RIMKLA: variants seen among roughly 807,000 people sequenced by gnomAD.
RIMKLA encodes ribosomal modification protein rimK like family member A.
Under a neutral mutation model 32.7 loss-of-function variants are expected in RIMKLA, and 14 were observed. That is an observed-to-expected ratio of 0.43 (90% CI 0.28 to 0.67). The LOEUF (loss-of-function observed/expected upper bound fraction) is 0.67. RIMKLA is among the 30% of genes least tolerant of loss of function. The probability of loss-of-function intolerance (pLI) is 0.18; values close to 1 mark genes in which losing one functional copy is unlikely to be tolerated. For synonymous variants in RIMKLA, 176 were observed against 204.1 expected (o/e 0.86, Z 1.18); for missense variants, 410 against 519.0 (o/e 0.79, Z 2.04).
At position 42,385,230 on chromosome 1, in the gene RIMKLA, T is replaced by G. The variant is rs192830486; in HGVS notation, c.163+4133T>G. Among the ~76,000 whole-genome samples, 56 of 152,310 alleles carry G rather than the reference T, an allele frequency of 3.7e-4. No homozygotes were observed. The Middle Eastern group carries it at 0.02, about 56-fold the overall frequency. ...ACTTTGAAGTATGTGAGACTTTTACTGCAATGAGCTAAGGAGCTTCTGTGT... is the reference window on the plus strand; with the variant it reads ...ACTTTGAAGTATGTGAGACTTTTACGGCAATGAGCTAAGGAGCTTCTGTGT... On this transcript the variant is annotated intron_variant, in intron 1 of 4. Coordinates refer to ENST00000431473, the MANE Select transcript of RIMKLA (RefSeq NM_173642.4).
chr1:42,420,787 C>A lies in RIMKLA; in HGVS notation c.*5813C>A, dbSNP rs1438163388. 3.3e-5 allele frequency: 5 copies of A among 152,322 alleles called. No individual in the cohort carries two copies. Among genetic ancestry groups the A allele is most frequent in the Admixed American group, 3.3e-4 (5 of 15,286 alleles). The allele number at this position is 152,322 out of a possible 1,614,324, so 9.4% of individuals were successfully genotyped here. On this transcript the variant is annotated 3_prime_UTR_variant, in exon 5 of 5. Transcript: ENST00000431473. ...TAATGTGAATGGTACTAGTCTGAGT[C>A]AGATCCAGTTCAAATCCAGGTAACT...
chr1:42,393,106 G>A (rs996318211), intron 1 of RIMKLA, among the ~76,000 whole-genome samples: 2 of 152,224 alleles, frequency 1.3e-5, no homozygotes, highest in African/African-American at 4.8e-5. Flanking sequence ...GTTGCTGAGA[G>A]GTGGTAACTC....
chr1:42,406,566 T>C (rs1643148890), intron 3 of RIMKLA, among the ~76,000 whole-genome samples: 1 of 152,242 alleles, frequency 6.6e-6, no homozygotes, highest in African/African-American at 2.4e-5. Flanking sequence ...CACTAGTTTA[T>C]CTCTTTTTGT....
intron 1 of RIMKLA, among the ~76,000 whole-genome samples, chr1:42,390,414 A>G (rs1034540217): frequency 2.0e-5 from 3 of 152,134 alleles, no homozygotes; most frequent in African/African-American, 7.2e-5. Context: ...CAGCGGGAGA[A>G]ATTGGTGATG....
chr1:42,408,771 A>G (rs1284701848), intron 3 of RIMKLA, among the ~76,000 whole-genome samples: 1 of 152,152 alleles, frequency 6.6e-6, no homozygotes. Context: ...TCCTTGTAAG[A>G]TGGTGACACA....
In RIMKLA at chr1:42,399,597, T is replaced by G. The variant is rs2148389666; in HGVS notation, c.357T>G (p.Ala119=). 6.2e-7 allele frequency: 1 copy of G among 1,612,018 alleles called. No individual in the cohort carries two copies. The highest frequency in any genetic ancestry group is 1.1e-5 in the South Asian group (1 of 90,418). The change falls in exon 2 of 5, where the codon GCT becomes GCG. Residue 119 remains alanine (A), a synonymous_variant. Transcript: ENST00000431473. ...INKFWTFQEL[A]GHGVPMPDTF... Reference sequence around the variant, plus strand: ...AATTCTGGACGTTCCAAGAACTGGCTGGACATGGGGTCCCCATGCCAGACA... The same window carrying G: ...AATTCTGGACGTTCCAAGAACTGGCGGGACATGGGGTCCCCATGCCAGACA...
chr1:42,396,236 C>CAA (rs11363612), intron 1 of RIMKLA, among the ~76,000 whole-genome samples: 3,626 of 60,672 alleles, frequency 0.06, 270 homozygotes, highest in South Asian at 0.073. Flanking sequence ...AACTCCATCT[C>CAA]AAAAAAAAAA....
At chr1:42,399,165 T>G (rs1440468450) in intron 1 of RIMKLA, among the ~76,000 whole-genome samples, 1 of 152,102 alleles carries the variant, frequency 6.6e-6, no homozygotes, top group Non-Finnish European at 1.5e-5. Context: ...TTAACCTAGA[T>G]TATTCTTGAT....
chr1:42,385,709 C>T (rs1642929709), intron 1 of RIMKLA, among the ~76,000 whole-genome samples: 1 of 149,362 alleles, frequency 6.7e-6, no homozygotes, highest in African/African-American at 2.5e-5. Flanking sequence ...TTTCCTTTTT[C>T]TTTCCTTCTC....
chr1:42,399,665 A>G, intron 2 of RIMKLA, 31 bp downstream of exon 2: 1 of 1,319,878 alleles, frequency 7.6e-7, no homozygotes, highest in Non-Finnish European at 1.1e-6. Flanking sequence ...TTCCCAAATC[A>G]TGTGCATCTC....
chr1:42,400,727 T>C (rs1643089927), intron 2 of RIMKLA, among the ~76,000 whole-genome samples: 1 of 152,138 alleles, frequency 6.6e-6, no homozygotes, highest in Non-Finnish European at 1.5e-5. Context: ...GTTTGAGGTG[T>C]CTGTAGTACA....
chr1:42,390,593 T>G (rs1311186091), intron 1 of RIMKLA, among the ~76,000 whole-genome samples: 1 of 152,108 alleles, frequency 6.6e-6, no homozygotes, highest in African/African-American at 2.4e-5. Context: ...TGGGTAGATG[T>G]GATAGTGGGA....
chr1:42,404,058 A>C (rs866464775), intron 2 of RIMKLA, among the ~76,000 whole-genome samples: 6 of 151,972 alleles, frequency 3.9e-5, no homozygotes, highest in Non-Finnish European at 8.8e-5. Context: ...TTAGAGACTC[A>C]TCTGATTAGG....
chr1:42,386,047 G>A (rs1167516435), intron 1 of RIMKLA, among the ~76,000 whole-genome samples: 4 of 151,114 alleles, frequency 2.6e-5, no homozygotes, highest in South Asian at 2.1e-4. Context: ...TCAGCCTCCC[G>A]AGTATCTGGG....
At chr1:42,397,985 C>T (rs1447061392) in intron 1 of RIMKLA, among the ~76,000 whole-genome samples, 1 of 152,158 alleles carries the variant, frequency 6.6e-6, no homozygotes, top group Admixed American at 6.5e-5. Context: ...CCCTTGCATG[C>T]TCTCTTATAC....
intron 2 of RIMKLA, among the ~76,000 whole-genome samples, chr1:42,401,176 G>A (rs1464174443): frequency 6.6e-6 from 1 of 152,064 alleles, no homozygotes; most frequent in Non-Finnish European, 1.5e-5. Context: ...AATAGGGTTA[G>A]AGATCCTATG....
chr1:42,394,107 G>A (rs1166481679), intron 1 of RIMKLA, among the ~76,000 whole-genome samples: 2 of 152,222 alleles, frequency 1.3e-5, no homozygotes, highest in African/African-American at 4.8e-5. Flanking sequence ...TTATATAGTT[G>A]ATTCCTTTCT....
intron 1 of RIMKLA, among the ~76,000 whole-genome samples, chr1:42,399,105 A>G (rs547685554): frequency 2.0e-5 from 3 of 152,192 alleles, no homozygotes; most frequent in East Asian, 3.9e-4. Context: ...ACTTTGAGTC[A>G]TACTTGTCCT....
At chr1:42,383,357 T>C (rs530032390) in intron 1 of RIMKLA, among the ~76,000 whole-genome samples, 12 of 152,284 alleles carry the variant, frequency 7.9e-5, no homozygotes, top group Non-Finnish European at 1.3e-4. Context: ...GTCCAAAGAT[T>C]TGTTATGGAA....
Sources: allele counts gnomAD v4.1 joint callset (sites outside exome capture counted in the v4.1 genomes callset), GRCh38; gene constraint gnomAD v4.1.1; transcripts MANE v1.5; gene names NCBI Gene and HGNC (gene_info 2026-07-23, HGNC 2026-07-21).